The following LARGE2 variants were observed in gnomAD, a reference collection of about 807,000 sequenced individuals.
The protein encoded by LARGE2 is xylosyl- and glucuronyltransferase LARGE2.
LARGE2 carries 63 observed loss-of-function variants against 75.3 expected under a neutral mutation model. The observed-to-expected ratio is 0.84, with a 90% confidence interval of 0.68 to 1.03. The LOEUF is 1.03. Ranked by LOEUF, LARGE2 falls within the 50% of genes least tolerant of loss-of-function variation. LARGE2 has a pLI of 0.00. For synonymous variants in LARGE2, 428 were observed against 420.1 expected, an observed-to-expected ratio of 1.02 and a Z score of -0.23; for missense variants, 925 against 980.6, an observed-to-expected ratio of 0.94 and a Z score of 0.76.
In LARGE2 at chr11:45,922,807, C is replaced by G. The variant is rs542536770; in HGVS notation, c.-62-14C>G. On this transcript the variant is annotated splice_polypyrimidine_tract_variant and intron_variant, in intron 1 of 13. Coordinates refer to ENST00000401752, the MANE Select transcript of LARGE2 (RefSeq NM_001300721.2). ...CCCAGGGCTGAGTCTCCCATCTCGC[C>G]CCTCGGTCCGCAGGGCCTGCGATGG... 1.6e-4 allele frequency: 185 copies of G among 1,150,982 alleles called. 3 individuals carry two copies. The Admixed American group carries it at 6.8e-3, about 42-fold the overall frequency. 71.3% of individuals were successfully genotyped at this position (1,150,982 alleles called of 1,614,324 possible). A position where few individuals can be genotyped will look rare whatever the true frequency, so the allele number is the denominator to read the frequency against.
rs942761616 is a variant in LARGE2, at chr11:45,924,905, A to C, written c.769+16A>C. The C allele has an allele frequency of 4.9e-6, 7 of 1,425,556 alleles. No homozygotes were observed. The highest frequency in any genetic ancestry group is 6.5e-6 in the Non-Finnish European group (7 of 1,080,498). The allele number at this position is 1,425,556 out of a possible 1,614,324, so 88.3% of individuals were successfully genotyped here. A position where few individuals can be genotyped will look rare whatever the true frequency, so the allele number is the denominator to read the frequency against. ...TTTAACACAGGTGGGGACAGTGGTG[A>C]GGGGAGGCAGGCGGGGTGGTCTGCT... is the stretch of plus-strand genomic sequence containing the variant. On this transcript the variant is annotated intron_variant, in intron 6 of 13. Transcript: ENST00000401752.
Position 45,924,246 on chromosome 11 carries a change from G to C in LARGE2, c.461G>C (p.Arg154Pro), listed in dbSNP as rs181583894. The C allele has an allele frequency of 4.3e-6, 7 of 1,613,356 alleles. No individual in the cohort carries two copies. The highest frequency in any genetic ancestry group is 5.1e-6 in the Non-Finnish European group (6 of 1,180,000). Residue 154 changes from arginine (R) to proline (P), a missense_variant, in exon 4 of 14, where the codon CGT becomes CCT. Arg to Pro is a moderately radical substitution (Grantham distance 103). Coordinates refer to ENST00000401752, the MANE Select transcript of LARGE2 (RefSeq NM_001300721.2). Reference protein sequence around the residue: ...LFHTWMVPAVRVSFYHADQLK... With the variant: ...LFHTWMVPAVPVSFYHADQLK... ...CACACATGGATGGTGCCTGCTGTCC[G>C]TGTCAGCTTTTATCATGCCGACCAG...
At chr11:45,923,417 T>C (rs1382417198) in intron 2 of LARGE2, 56 bp from the exon 3 acceptor site, 9 of 1,534,260 alleles carry the variant, frequency 5.9e-6, no homozygotes, top group South Asian at 5.6e-5. Flanking sequence ...TCAACATGGG[T>C]CCTCACCGCC....
In LARGE2 at chr11:45,923,033, C is replaced by T; in HGVS notation, c.151C>T (p.Pro51Ser). 7.1e-7 allele frequency: 1 copy of T among 1,400,862 alleles called. No individual in the cohort carries two copies. The highest frequency in any genetic ancestry group is 3.1e-5 in the East Asian group (1 of 32,684). The allele number at this position is 1,400,862 out of a possible 1,614,324, so 86.8% of individuals were successfully genotyped here. Reference sequence around the variant, plus strand: ...GGGGGCCCCGGGATGCTTCCCCGGCCCGCTCATGCCACGTGTCCCCCCAGA... The same window carrying T: ...GGGGGCCCCGGGATGCTTCCCCGGCTCGCTCATGCCACGTGTCCCCCCAGA... ...RAGAPGCFPGPLMPRVPPDGR... is the reference protein window; with the variant it reads ...RAGAPGCFPGSLMPRVPPDGR... Residue 51 changes from proline (P) to serine (S), a missense_variant, in exon 2 of 14, where the codon CCG becomes TCG. Pro to Ser is a moderately conservative substitution (Grantham distance 74). Coordinates refer to ENST00000401752, the MANE Select transcript of LARGE2 (RefSeq NM_001300721.2).
At position 45,924,771 on chromosome 11, in the gene LARGE2, C is replaced by T; in HGVS notation, c.665-14C>T. ...GGCAGCTTCAGACAGCTCCCTTATG[C>T]CCTCCCCTCCCAGACACGCAGGCGA... On this transcript the variant is annotated splice_polypyrimidine_tract_variant and intron_variant, in intron 5 of 13. Coordinates refer to ENST00000401752, the MANE Select transcript of LARGE2 (RefSeq NM_001300721.2). The T allele has an allele frequency of 2.0e-6, 3 of 1,505,378 alleles. No homozygotes were observed. Among genetic ancestry groups the T allele is most frequent in the Non-Finnish European group, 2.7e-6 (3 of 1,123,114 alleles). The allele number at this position is 1,505,378 out of a possible 1,614,324, so 93.3% of individuals were successfully genotyped here.
At position 45,923,115 on chromosome 11, in the gene LARGE2, A is replaced by T; in HGVS notation, c.233A>T (p.Asp78Val). The T allele has an allele frequency of 7.2e-7, 1 of 1,386,362 alleles. No individual in the cohort carries two copies. The highest frequency in any genetic ancestry group is 9.3e-7 in the Non-Finnish European group (1 of 1,076,674). The allele number at this position is 1,386,362 out of a possible 1,614,324, so 85.9% of individuals were successfully genotyped here. Residue 78 changes from aspartate to valine, a missense_variant, in exon 2 of 14, where the codon GAC becomes GTC. Around this residue, in one of 3 missense-constraint regions of LARGE2, gnomAD observed 453 missense variants for 460.2 expected, o/e 0.98. Coordinates refer to ENST00000401752, the MANE Select transcript of LARGE2 (RefSeq NM_001300721.2). ...GGAGACCCGGGGGCCGGCCCCGGGG[A>T]CCACAACCGCTCCGACTGCGGCCCG... ...LDGDPGAGPG[D>V]HNRSDCGPQP... is the part of the protein sequence containing the mutation.
rs967735423 is a variant in LARGE2 at position 45,927,558 on chromosome 11, C to A, written c.1569C>A (p.Asp523Glu). Residue 523 changes from aspartate (D) to glutamate (E), a missense_variant, in exon 11 of 14, where the codon GAC becomes GAA. This residue lies in a region of LARGE2 where 469 missense variants were observed against 503.8 expected (regional missense o/e 0.93). Transcript: ENST00000401752. Reference protein sequence around the residue: ...LTPYVFLSDIDFLPAYSLYDY... With the variant: ...LTPYVFLSDIEFLPAYSLYDY... ...CTTACGTCTTCCTCAGTGACATTGA[C>A]TTCCTGCCTGCCTATTCTCTCTACG... The A allele has an allele frequency of 6.2e-7, 1 of 1,614,080 alleles. No individual in the cohort carries two copies. The highest frequency in any genetic ancestry group is 8.5e-7 in the Non-Finnish European group (1 of 1,180,040).
intron 3 of LARGE2, 88 bp from the exon 4 acceptor site, chr11:45,924,066 G>T: frequency 7.2e-7 from 1 of 1,380,588 alleles, no homozygotes; most frequent in Non-Finnish European, 9.9e-7. Flanking sequence ...TGCAGATGGC[G>T]CTTCCATCTC....
chr11:45,926,388 G>C, intron 8 of LARGE2, 41 bp downstream of exon 8: 12 of 1,613,766 alleles, frequency 7.4e-6, no homozygotes, highest in Non-Finnish European at 1.0e-5. Flanking sequence ...GGGGGCCATG[G>C]ATGGAGACTT....
chr11:45,925,900 C>CA (rs1339542660), intron 6 of LARGE2, 139 bp from the exon 7 acceptor site: 1 of 747,770 alleles, frequency 1.3e-6, no homozygotes, highest in East Asian at 2.7e-5. Flanking sequence ...ACAACAACAA[C>CA]AAAAAACAAG....
intron 6 of LARGE2, 97 bp downstream of exon 6, chr11:45,924,986 A>G: frequency 1.5e-6 from 1 of 670,566 alleles, no homozygotes; most frequent in Non-Finnish European, 2.4e-6. Flanking sequence ...GTCCCCCAGG[A>G]AGAACATTGC....
Position 45,926,732 on chromosome 11 carries a change from C to T in LARGE2, c.1186C>T (p.Leu396=), listed in dbSNP as rs1241526792. 1.9e-6 allele frequency: 3 copies of T among 1,613,592 alleles called. No individual in the cohort carries two copies. The highest frequency in any genetic ancestry group is 1.3e-5 in the African/African-American group (1 of 75,032). ...TCAGTTGCAGCAGGCCCTGGCACAA[C>T]TGGACGAGGAAGACCCCTGCTTTGA... ...AEQLQQALAQ[L]DEEDPCFEFR... The change falls in exon 10 of 14, where the codon CTG becomes TTG. Residue 396 remains leucine, a synonymous_variant. Coordinates refer to ENST00000401752, the MANE Select transcript of LARGE2 (RefSeq NM_001300721.2).
At position 45,928,194 on chromosome 11, in the gene LARGE2, G is replaced by A. The variant is rs61736294; in HGVS notation, c.1772G>A (p.Arg591Gln). 1,927 of 1,613,586 alleles carry A rather than the reference G, an allele frequency of 1.2e-3. 3 individuals are homozygous for A. The highest frequency in any genetic ancestry group is 1.5e-3 in the Non-Finnish European group (1,790 of 1,180,004). ...LYTFRYHEWP[R>Q]GHAPTDYARW... ...CTGCACAGGTACCACGAGTGGCCCC[G>A]AGGCCACGCACCCACAGACTATGCC... The change falls in exon 13 of 14, where the codon CGA becomes CAA. Residue 591 changes from arginine to glutamine, a missense_variant. By Grantham distance (43) the Arg-to-Gln change is conservative. Around this residue, in one of 3 missense-constraint regions of LARGE2, gnomAD observed 469 missense variants for 503.8 expected, o/e 0.93. Coordinates refer to ENST00000401752, the MANE Select transcript of LARGE2 (RefSeq NM_001300721.2).
In LARGE2 at chr11:45,928,740, G is replaced by A; in HGVS notation, c.2061G>A (p.Gln687=). 6.2e-7 allele frequency: 1 copy of A among 1,614,128 alleles called. No individual in the cohort carries two copies. Among genetic ancestry groups the A allele is most frequent in the Non-Finnish European group, 8.5e-7 (1 of 1,180,024 alleles). ...RSSPTYRDCL[Q]ALKDEFHQDL... ...GCCCCACCTATCGTGACTGCCTCCA[G>A]GCCCTCAAGGACGAATTCCACCAGG... The change falls in exon 14 of 14, where the codon CAG becomes CAA. Residue 687 remains glutamine (Q), a synonymous_variant. Transcript: ENST00000401752.
At position 45,927,579 on chromosome 11, in the gene LARGE2, C is replaced by G. The variant is rs1468963866; in HGVS notation, c.1590C>G (p.Leu530=). 3.7e-6 allele frequency: 6 copies of G among 1,613,372 alleles called. No homozygotes were observed. The highest frequency in any genetic ancestry group is 5.1e-6 in the Non-Finnish European group (6 of 1,179,920). ...SDIDFLPAYS[L]YDYLRASIEQ... ...TTGACTTCCTGCCTGCCTATTCTCT[C>G]TACGACTACCTCAGGTGGGCCTGCA... Residue 530 remains leucine, a synonymous_variant, in exon 11 of 14, where the codon CTC becomes CTG. Transcript: ENST00000401752.
In LARGE2 at chr11:45,927,487, C is replaced by T. The variant is rs1307019878; in HGVS notation, c.1498C>T (p.Pro500Ser). Reference protein sequence around the residue: ...HVVYREGPLYPVNQLRNVALA... With the variant: ...HVVYREGPLYSVNQLRNVALA... ...GGTGTACCGTGAGGGGCCCCTATAC[C>T]CCGTCAACCAGCTTCGCAACGTGGC... Residue 500 changes from proline to serine, a missense_variant, in exon 11 of 14, where the codon CCC becomes TCC. Transcript: ENST00000401752. 1 of 1,614,234 alleles carries T rather than the reference C, an allele frequency of 6.2e-7. No individual in the cohort carries two copies.
At chr11:45,922,529 G>A (rs1590802763), upstream of LARGE2, among the ~76,000 whole-genome samples, 1 of 152,102 alleles carries the variant, frequency 6.6e-6, no homozygotes, top group Non-Finnish European at 1.5e-5. Flanking sequence ...GCTCCTCGCG[G>A]GCTGGGGAAC....
upstream of LARGE2, chr11:45,922,601 G>T (rs1057036519): frequency 7.6e-6 from 2 of 264,730 alleles, no homozygotes. Context: ...GCCCCTTCGC[G>T]CTCAGCCCCG....
rs1254785871 is a variant in LARGE2 at position 45,923,026 on chromosome 11, C to T, written c.144C>T (p.Phe48=). Residue 48 remains phenylalanine, a synonymous_variant, in exon 2 of 14, where the codon TTC becomes TTT. Transcript: ENST00000401752. ...PGGRAGAPGC[F]PGPLMPRVPP... is the part of the protein sequence containing the mutation. ...GGCGAGCGGGGGCCCCGGGATGCTT[C>T]CCCGGCCCGCTCATGCCACGTGTCC... 8 of 1,392,728 alleles carry T rather than the reference C, an allele frequency of 5.7e-6. No individual in the cohort carries two copies. Among genetic ancestry groups the T allele is most frequent in the Non-Finnish European group, 2.8e-6 (3 of 1,076,508 alleles). The allele number at this position is 1,392,728 out of a possible 1,614,324, so 86.3% of individuals were successfully genotyped here. A position where few individuals can be genotyped will look rare whatever the true frequency, so the allele number is the denominator to read the frequency against.
Sources: allele counts gnomAD v4.1 joint callset (sites outside exome capture counted in the v4.1 genomes callset), GRCh38; gene constraint gnomAD v4.1.1; regional missense constraint gnomAD v4.1.1; transcripts MANE v1.5; gene names NCBI Gene and HGNC (gene_info 2026-07-23, HGNC 2026-07-21).